The following SCMH1 variants were observed in gnomAD, a reference collection of about 807,000 sequenced individuals.
SCMH1 encodes polycomb protein SCMH1.
A neutral mutation model predicts 70.8 loss-of-function variants in SCMH1; 37 were observed. The observed-to-expected ratio is 0.52, with a 90% CI of 0.40 to 0.69. SCMH1 has a LOEUF of 0.69. SCMH1 is among the 30% of genes least tolerant of loss of function. The pLI is 0.00. For synonymous variants in SCMH1, 292 were observed against 307.4 expected (o/e 0.95, Z 0.52); for missense variants, 607 against 827.3 (o/e 0.73, Z 3.27).
chr1:41,156,458 G>A (rs576644303), intron 4 of SCMH1, among the ~76,000 whole-genome samples: 9 of 151,918 alleles, frequency 5.9e-5, no homozygotes, highest in African/African-American at 9.7e-5. Flanking sequence ...TTTTTGAGAC[G>A]GGGTCTTGCT....
At chr1:41,090,734 G>A (rs1375425412) in intron 8 of SCMH1, among the ~76,000 whole-genome samples, 1 of 152,036 alleles carries the variant, frequency 6.6e-6, no homozygotes, top group African/African-American at 2.4e-5. Flanking sequence ...GCAAGTGGTA[G>A]TTTCTTTAAA....
intron 10 of SCMH1, among the ~76,000 whole-genome samples, chr1:41,055,505 A>G (rs1403977814): frequency 2.0e-5 from 3 of 152,042 alleles, no homozygotes; most frequent in Non-Finnish European, 4.4e-5. Context: ...ACCCACCACC[A>G]TGCCCGGCTA....
At chr1:41,051,105 A>T (rs1034260992) in intron 10 of SCMH1, among the ~76,000 whole-genome samples, 3 of 152,228 alleles carry the variant, frequency 2.0e-5, no homozygotes, top group African/African-American at 7.2e-5. Context: ...TGGTACAGTC[A>T]TATGCCACAT....
intron 5 of SCMH1, among the ~76,000 whole-genome samples, chr1:41,148,313 C>A (rs1644769083): frequency 6.6e-6 from 1 of 152,152 alleles, no homozygotes; most frequent in Non-Finnish European, 1.5e-5. Flanking sequence ...TCTTATATAT[C>A]TATCCTTATA....
chr1:41,108,145 C>A (rs906125327), intron 8 of SCMH1, among the ~76,000 whole-genome samples: 1 of 152,122 alleles, frequency 6.6e-6, no homozygotes, highest in Admixed American at 6.5e-5. Flanking sequence ...AACAGGTATG[C>A]TAAAGTGCAG....
At chr1:41,141,612 A>C (rs1394245486) in intron 6 of SCMH1, among the ~76,000 whole-genome samples, 1 of 152,222 alleles carries the variant, frequency 6.6e-6, no homozygotes, top group Non-Finnish European at 1.5e-5. Context: ...ACACAGAAAC[A>C]TGTTGAATGA....
At position 41,075,112 on chromosome 1, in the gene SCMH1, T is replaced by C. The variant is rs1657860675; in HGVS notation, c.978+107A>G. On this transcript the variant is annotated intron_variant, in intron 9 of 14. Transcript: ENST00000337495. ...CTCCTGACCTCATGATCCGCCCGCC[T>C]CGGCCTCCCATTAAGTGCTGGGATT... 5.8e-6 allele frequency: 6 copies of C among 1,032,046 alleles called. 1 individual carries two copies. The South Asian group carries it at 8.4e-5, about 14-fold the overall frequency. The allele number at this position is 1,032,046 out of a possible 1,614,324, so 63.9% of individuals were successfully genotyped here.
chr1:41,153,587 G>A lies in SCMH1; in HGVS notation c.107-1903C>T, dbSNP rs189276848. 2.7e-3 allele frequency among the ~76,000 whole-genome samples: 411 copies of A among 152,224 alleles called. 4 individuals carry two copies. The highest frequency in any genetic ancestry group is 1.1e-3 in the Non-Finnish European group (74 of 68,008). On this transcript the variant is annotated intron_variant, in intron 4 of 14. Transcript: ENST00000337495. ...AATCCCTATTCTGTAATGTACACAG[G>A]CTAGAAACCTCAGCCCTTTTACCAC...
At chr1:41,227,331 C>G (rs1660462671) in intron 1 of SCMH1, among the ~76,000 whole-genome samples, 1 of 152,292 alleles carries the variant, frequency 6.6e-6, no homozygotes, top group Non-Finnish European at 1.5e-5. Context: ...GCTAAAAAAT[C>G]ACCTCCTCGT....
chr1:41,144,591 G>A (rs957688822), intron 5 of SCMH1, among the ~76,000 whole-genome samples: 2 of 152,110 alleles, frequency 1.3e-5, no homozygotes, highest in Non-Finnish European at 2.9e-5. Flanking sequence ...CTGTGGACAT[G>A]TTTTCTATTC....
chr1:41,124,584 G>T (rs1226933776), intron 6 of SCMH1, among the ~76,000 whole-genome samples: 1 of 140,732 alleles, frequency 7.1e-6, no homozygotes, highest in African/African-American at 2.8e-5. Context: ...CATTCATGCT[G>T]AAGAGCTTAT....
At chr1:41,048,937 G>T (rs1184874235) in intron 10 of SCMH1, 47 bp from the exon 11 acceptor site, 1 of 1,519,488 alleles carries the variant, frequency 6.6e-7, no homozygotes, top group Non-Finnish European at 9.0e-7. Flanking sequence ...CTCTGGGATA[G>T]AGAAGTCAGA....
intron 6 of SCMH1, among the ~76,000 whole-genome samples, chr1:41,124,177 G>A (rs1475068307): frequency 1.3e-5 from 2 of 151,838 alleles, no homozygotes; most frequent in Non-Finnish European, 2.9e-5. Flanking sequence ...TCCCACATCT[G>A]CTTTTCATCT....
At chr1:41,107,800 G>A (rs1668360658) in intron 8 of SCMH1, among the ~76,000 whole-genome samples, 1 of 152,222 alleles carries the variant, frequency 6.6e-6, no homozygotes, top group Non-Finnish European at 1.5e-5. Context: ...TTACAGGCGT[G>A]AGCCACTGCG....
At chr1:41,041,673 C>G (rs1646192218) in intron 12 of SCMH1, 1 of 152,190 alleles carries the variant, frequency 6.6e-6, no homozygotes. Context: ...GGAATCAGAG[C>G]ACATCCTGAT....
In SCMH1 at chr1:41,039,645, T is replaced by C. The variant is rs555183496; in HGVS notation, c.1499-2104A>G. Among the ~76,000 whole-genome samples, 3 of 152,002 alleles carry C rather than the reference T, an allele frequency of 2.0e-5. No individual in the cohort carries two copies. In the East Asian group the frequency reaches 5.8e-4, roughly 29 times the overall value. ...TCATGCCCCACTGATTTTTTTTTTT[T>C]GTATTTTTAGCAGAGATGGGATTTT... On this transcript the variant is annotated intron_variant, in intron 12 of 14. Coordinates refer to ENST00000337495, the Ensembl canonical transcript of SCMH1.
At chr1:41,144,278 C>A (rs918462191) in intron 5 of SCMH1, among the ~76,000 whole-genome samples, 3 of 152,130 alleles carry the variant, frequency 2.0e-5, no homozygotes, top group Admixed American at 6.5e-5. Flanking sequence ...TCAGCCCAGT[C>A]CCTAGAAACC....
intron 12 of SCMH1, among the ~76,000 whole-genome samples, chr1:41,045,434 G>T (rs1646780667): frequency 6.6e-6 from 1 of 152,140 alleles, no homozygotes; most frequent in African/African-American, 2.4e-5. Flanking sequence ...GAAGGAGAAT[G>T]GGGGAACAGT....
At chr1:41,237,929 G>C (rs1460767903) in intron 1 of SCMH1, among the ~76,000 whole-genome samples, 1 of 152,198 alleles carries the variant, frequency 6.6e-6, no homozygotes, top group Non-Finnish European at 1.5e-5. Context: ...AATGAAGGAA[G>C]AAAGGAACTA....
Sources: allele counts gnomAD v4.1 joint callset (sites outside exome capture counted in the v4.1 genomes callset), GRCh38; gene constraint gnomAD v4.1.1; transcripts MANE v1.5; gene names NCBI Gene and HGNC (gene_info 2026-07-23, HGNC 2026-07-21).